Variants in MAPK4 observed in about 807,000 individuals in gnomAD.
The protein encoded by MAPK4 is mitogen-activated protein kinase 4, also known as Erk3-related.
A neutral mutation model predicts 47.7 loss-of-function variants in MAPK4; 22 were observed. The ratio of observed to expected loss-of-function variants is 0.46; its 90% CI spans 0.33 to 0.66. The LOEUF (loss-of-function observed/expected upper bound fraction) is 0.66. Among genes scored for constraint, MAPK4 ranks in the 30% least tolerant of loss-of-function variants. The pLI is 0.02. For synonymous variants in MAPK4, 390 were observed against 365.7 expected (o/e 1.07, Z -0.76); for missense variants, 736 against 831.7 (o/e 0.88, Z 1.42).
chr18:50,593,542 C>A (rs917341445), intron 1 of MAPK4, among the ~76,000 whole-genome samples: 1 of 152,182 alleles, frequency 6.6e-6, no homozygotes, highest in Admixed American at 6.5e-5. Context: ...ATCCTAAACT[C>A]CCTGGCTCAT....
At chr18:50,633,182 C>T (rs748905416) in intron 1 of MAPK4, among the ~76,000 whole-genome samples, 37 of 152,168 alleles carry the variant, frequency 2.4e-4, no homozygotes, top group Non-Finnish European at 3.2e-4. Context: ...TGGTTTGTGG[C>T]ATAAGAGAGA....
intron 1 of MAPK4, among the ~76,000 whole-genome samples, chr18:50,635,844 C>T (rs1201104792): frequency 6.6e-6 from 1 of 152,180 alleles, no homozygotes; most frequent in Non-Finnish European, 1.5e-5. Context: ...GTTCGGTCCA[C>T]AAGCCTCCAT....
At chr18:50,567,140 T>C (rs2042205727) in intron 1 of MAPK4, among the ~76,000 whole-genome samples, 1 of 152,020 alleles carries the variant, frequency 6.6e-6, no homozygotes, top group Admixed American at 6.5e-5. Flanking sequence ...GTGCAGAACA[T>C]GCAGGTTTGT....
At chr18:50,576,499 G>T (rs975242096) in intron 1 of MAPK4, among the ~76,000 whole-genome samples, 3 of 152,148 alleles carry the variant, frequency 2.0e-5, no homozygotes, top group African/African-American at 7.2e-5. Context: ...TAGAGGGAGG[G>T]AAGAGGATGA....
At chr18:50,594,092 C>T (rs1014913858) in intron 1 of MAPK4, among the ~76,000 whole-genome samples, 13 of 152,168 alleles carry the variant, frequency 8.5e-5, no homozygotes, top group Non-Finnish European at 1.8e-4. Context: ...AGTCTGATGT[C>T]CAAGGCAGGA....
At chr18:50,597,054 T>C (rs925675591) in intron 1 of MAPK4, among the ~76,000 whole-genome samples, 16 of 152,244 alleles carry the variant, frequency 1.1e-4, no homozygotes, top group African/African-American at 3.9e-4. Context: ...CATTTACCCA[T>C]ATAACCATTA....
At chr18:50,710,214 G>A (rs1027088098) in intron 2 of MAPK4, among the ~76,000 whole-genome samples, 5 of 152,222 alleles carry the variant, frequency 3.3e-5, no homozygotes, top group African/African-American at 7.2e-5. Context: ...CAGGCACGGT[G>A]GCTCATGACT....
At position 50,651,748 on chromosome 18, in the gene MAPK4, A is replaced by G. The variant is rs551066088; in HGVS notation, c.-870-11341A>G. On this transcript the variant is annotated intron_variant, in intron 1 of 5. Coordinates refer to ENST00000400384, the MANE Select transcript of MAPK4 (RefSeq NM_002747.4). ...TTGTAGATTCATTCCTTGATACCCC[A>G]CACCACAGGCTGGATGTCTTTGTGT... Among the ~76,000 whole-genome samples, 114 of 152,292 alleles carry G rather than the reference A, an allele frequency of 7.5e-4. 1 individual carries two copies. Among genetic ancestry groups the G allele is most frequent in the Non-Finnish European group, 8.5e-4 (58 of 68,022 alleles).
At chr18:50,697,461 A>G (rs1211049101) in intron 2 of MAPK4, among the ~76,000 whole-genome samples, 1 of 152,218 alleles carries the variant, frequency 6.6e-6, no homozygotes, top group East Asian at 1.9e-4. Flanking sequence ...TTTTTGATGT[A>G]AAGTGTTAAC....
intron 1 of MAPK4, among the ~76,000 whole-genome samples, chr18:50,647,563 C>G (rs1028187672): frequency 6.6e-6 from 1 of 152,154 alleles, no homozygotes; most frequent in Non-Finnish European, 1.5e-5. Flanking sequence ...TGTATGATGC[C>G]TGAGAGAGCA....
At chr18:50,697,595 G>T (rs1909581841) in intron 2 of MAPK4, among the ~76,000 whole-genome samples, 1 of 152,160 alleles carries the variant, frequency 6.6e-6, no homozygotes, top group Non-Finnish European at 1.5e-5. Context: ...ATCTCTTTTA[G>T]AGAAGGAGGC....
chr18:50,716,978 G>A (rs1568095311), intron 3 of MAPK4, among the ~76,000 whole-genome samples: 2 of 151,968 alleles, frequency 1.3e-5, no homozygotes, highest in African/African-American at 4.8e-5. Flanking sequence ...TCTCTATCTT[G>A]TCCTCCCGTG....
chr18:50,700,192 C>A lies in MAPK4; in HGVS notation c.547-14887C>A, dbSNP rs79642539. ...CCATCTAGGGACCAACCATGAGTTG[C>A]CTCATTAGCATTAAGTCAGATATGG... On this transcript the variant is annotated intron_variant, in intron 2 of 5. Coordinates refer to ENST00000400384, the MANE Select transcript of MAPK4 (RefSeq NM_002747.4). Among the ~76,000 whole-genome samples the A allele has an allele frequency of 2.1e-3, 322 of 152,272 alleles. 1 individual carries two copies. The highest frequency in any genetic ancestry group is 6.8e-3 in the Middle Eastern group (2 of 294).
At chr18:50,616,856 C>G (rs1013517108) in intron 1 of MAPK4, among the ~76,000 whole-genome samples, 2 of 152,194 alleles carry the variant, frequency 1.3e-5, no homozygotes, top group Non-Finnish European at 2.9e-5. Context: ...TCTGCCTTTC[C>G]CGGTTCCCTG....
intron 2 of MAPK4, among the ~76,000 whole-genome samples, chr18:50,668,327 G>A (rs1467061346): frequency 6.6e-6 from 1 of 152,206 alleles, no homozygotes; most frequent in Non-Finnish European, 1.5e-5. Flanking sequence ...TTTCTCATGG[G>A]TGGACAGTAT....
Position 50,730,187 on chromosome 18 carries a change from A to C in MAPK4, c.*333A>C, listed in dbSNP as rs1360159558. 2.4e-5 allele frequency: 5 copies of C among 212,624 alleles called. No individual in the cohort carries two copies. Among genetic ancestry groups the C allele is most frequent in the Non-Finnish European group, 4.7e-5 (5 of 107,264 alleles). 13.2% of individuals were successfully genotyped at this position (212,624 alleles called of 1,614,324 possible). On this transcript the variant is annotated 3_prime_UTR_variant, in exon 6 of 6. Transcript: ENST00000400384. ...GGCAGGATGCCGAGAAATCTTGCAGAGGTAGCTCCGAAACCATCTGGCCCA... is the reference window on the plus strand; with the variant it reads ...GGCAGGATGCCGAGAAATCTTGCAGCGGTAGCTCCGAAACCATCTGGCCCA...
intron 1 of MAPK4, among the ~76,000 whole-genome samples, chr18:50,589,624 A>G (rs1357223476): frequency 6.6e-6 from 1 of 152,048 alleles, no homozygotes; most frequent in Admixed American, 6.5e-5. Flanking sequence ...TTAACTCTAA[A>G]TGCATGACCG....
At position 50,726,067 on chromosome 18, in the gene MAPK4, A is replaced by G; in HGVS notation, c.959A>G (p.Asp320Gly). Residue 320 changes from aspartate (D) to glycine (G), a missense_variant, in exon 5 of 6, where the codon GAC becomes GGC. By Grantham distance (94) the Asp-to-Gly change is moderately conservative. Around this residue, in one of 3 missense-constraint regions of MAPK4, gnomAD observed 32 missense variants for 57.7 expected, o/e 0.55. Transcript: ENST00000400384. ...ATGAGCCCATACTCGTGCCCTGAGG[A>G]CGAGCCCACCTCACAACACCCCTTC... Reference protein sequence around the residue: ...PYMSPYSCPEDEPTSQHPFRI... With the variant: ...PYMSPYSCPEGEPTSQHPFRI... The G allele has an allele frequency of 6.2e-7, 1 of 1,613,940 alleles. No individual in the cohort carries two copies. Among genetic ancestry groups the G allele is most frequent in the Non-Finnish European group, 8.5e-7 (1 of 1,179,970 alleles).
At chr18:50,638,195 G>C (rs573228730) in intron 1 of MAPK4, among the ~76,000 whole-genome samples, 12 of 152,246 alleles carry the variant, frequency 7.9e-5, no homozygotes, top group African/African-American at 2.9e-4. Context: ...CTGTCTGTTT[G>C]GCAGCTATTT....
Sources: allele counts gnomAD v4.1 joint callset (sites outside exome capture counted in the v4.1 genomes callset), GRCh38; gene constraint gnomAD v4.1.1; regional missense constraint gnomAD v4.1.1; transcripts MANE v1.5; gene names NCBI Gene and HGNC (gene_info 2026-07-23, HGNC 2026-07-21).